The following SLC30A8 variants were observed in gnomAD, a reference collection of about 807,000 sequenced individuals.
SLC30A8 encodes the protein proton-coupled zinc antiporter SLC30A8.
A neutral mutation model predicts 36.9 loss-of-function variants in SLC30A8; 27 were observed. The ratio of observed to expected loss-of-function variants is 0.73; its 90% CI spans 0.54 to 1.01. The LOEUF is 1.01. SLC30A8 is among the 50% of genes least tolerant of loss of function. The pLI is 0.00. For missense variants in SLC30A8, 439 were observed against 452.0 expected (o/e 0.97, Z 0.26); for synonymous variants, 164 against 172.4 (o/e 0.95, Z 0.38).
At chr8:117,153,282 G>T (rs971267437) in intron 3 of SLC30A8, among the ~76,000 whole-genome samples, 192 bp downstream of exon 3, 1 of 152,174 alleles carries the variant, frequency 6.6e-6, no homozygotes, top group East Asian at 1.9e-4. Context: ...CAGATTAATG[G>T]TGCTATCTCT....
chr8:117,078,440 T>C (rs1358377904), intron 2 of SLC30A8, among the ~76,000 whole-genome samples: 2 of 152,210 alleles, frequency 1.3e-5, no homozygotes, highest in East Asian at 3.9e-4. Context: ...CACAGAGATG[T>C]GATTCTAACT....
At chr8:117,078,795 C>T (rs1818570951) in intron 2 of SLC30A8, among the ~76,000 whole-genome samples, 1 of 151,926 alleles carries the variant, frequency 6.6e-6, no homozygotes. Context: ...GCAGGTGGTC[C>T]TCCCACCTCA....
intron 1 of SLC30A8, among the ~76,000 whole-genome samples, chr8:116,971,590 AT>A (rs778149961): frequency 0.04 from 5,847 of 146,972 alleles, 314 homozygotes; most frequent in African/African-American, 0.13. Flanking sequence ...TAGAGGAAAC[AT>A]TTTTTTTTTT....
At chr8:117,063,671 C>T (rs1008528708) in intron 2 of SLC30A8, among the ~76,000 whole-genome samples, 6 of 152,130 alleles carry the variant, frequency 3.9e-5, no homozygotes, top group Admixed American at 1.3e-4. Flanking sequence ...AAAATTCTAC[C>T]TTGAGAAGGA....
chr8:117,086,074 A>G (rs547340038), intron 2 of SLC30A8, among the ~76,000 whole-genome samples: 1 of 152,284 alleles, frequency 6.6e-6, no homozygotes, highest in African/African-American at 2.4e-5. Context: ...CAAAAAATAG[A>G]GGATTAACTA....
chr8:117,031,530 G>A (rs1015897904), intron 1 of SLC30A8, among the ~76,000 whole-genome samples: 4 of 150,878 alleles, frequency 2.7e-5, no homozygotes, highest in Non-Finnish European at 5.9e-5. Flanking sequence ...GCGCCATCTC[G>A]GCTCATTGCA....
intron 1 of SLC30A8, among the ~76,000 whole-genome samples, chr8:116,958,697 A>G (rs550651405): frequency 2.0e-5 from 3 of 152,158 alleles, no homozygotes; most frequent in Non-Finnish European, 4.4e-5. Context: ...GAGGGTCTCA[A>G]GGTTTATAGT....
chr8:117,149,484 A>C (rs1467971389), intron 2 of SLC30A8, among the ~76,000 whole-genome samples: 1 of 152,232 alleles, frequency 6.6e-6, no homozygotes, highest in East Asian at 1.9e-4. Flanking sequence ...CTAGAAGCAC[A>C]AAGGCTAAAA....
chr8:117,086,441 A>C (rs1263806129), intron 2 of SLC30A8, among the ~76,000 whole-genome samples: 2 of 152,220 alleles, frequency 1.3e-5, no homozygotes, highest in African/African-American at 2.4e-5. Context: ...AACTATGTGC[A>C]TCTATGTCTG....
intron 1 of SLC30A8, chr8:116,951,126 C>CAT (rs1813977838): frequency 6.6e-6 from 1 of 152,184 alleles, no homozygotes. Context: ...CCTGGTGAGT[C>CAT]ATTGATGTCT....
At position 117,081,342 on chromosome 8, in the gene SLC30A8, C is replaced by T. The variant is rs144908338; in HGVS notation, c.-226+42084C>T. On this transcript the variant is annotated intron_variant, in intron 2 of 10. Transcript: ENST00000427715. Reference sequence around the variant, plus strand: ...CAAAGCGTGGGCAGATTTGGTTTTTCCTGTAGCCACTCTCCTTGGCTTGCA... The same window carrying T: ...CAAAGCGTGGGCAGATTTGGTTTTTTCTGTAGCCACTCTCCTTGGCTTGCA... Among the ~76,000 whole-genome samples the T allele has an allele frequency of 3.7e-3, 556 of 152,228 alleles. 5 individuals are homozygous for T. Among genetic ancestry groups the T allele is most frequent in the African/African-American group, 0.012 (506 of 41,536 alleles).
At chr8:117,084,144 T>C (rs1563585134) in intron 2 of SLC30A8, among the ~76,000 whole-genome samples, 1 of 152,156 alleles carries the variant, frequency 6.6e-6, no homozygotes, top group Non-Finnish European at 1.5e-5. Context: ...ACAACAAGGC[T>C]CCTTATTTTT....
chr8:117,035,591 C>T (rs948005511), intron 1 of SLC30A8, among the ~76,000 whole-genome samples: 8 of 152,232 alleles, frequency 5.3e-5, no homozygotes, highest in South Asian at 4.1e-4. Context: ...TGGCCCTCTT[C>T]TCACAGTTCC....
intron 2 of SLC30A8, among the ~76,000 whole-genome samples, chr8:117,042,686 T>G (rs1463062246): frequency 6.6e-6 from 1 of 152,060 alleles, no homozygotes; most frequent in Non-Finnish European, 1.5e-5. Context: ...TTTTTTTTTT[T>G]TAGAAGGAGT....
chr8:117,081,204 G>A (rs531056681), intron 2 of SLC30A8, among the ~76,000 whole-genome samples: 22 of 152,264 alleles, frequency 1.4e-4, no homozygotes, highest in Non-Finnish European at 1.2e-4. Flanking sequence ...GGTGATAGAT[G>A]TTGAGGGCAC....
chr8:116,994,451 A>G (rs1441003850), intron 1 of SLC30A8, among the ~76,000 whole-genome samples: 2 of 152,098 alleles, frequency 1.3e-5, no homozygotes, highest in African/African-American at 4.8e-5. Context: ...ATAGAATACC[A>G]TACAGCAATG....
intron 1 of SLC30A8, among the ~76,000 whole-genome samples, chr8:117,138,087 G>GA (rs374937926): frequency 2.0e-4 from 25 of 126,224 alleles, no homozygotes; most frequent in African/African-American, 4.2e-4. Flanking sequence ...AAAAGAAAAA[G>GA]AAAAAAAAAA....
intron 1 of SLC30A8, among the ~76,000 whole-genome samples, chr8:116,977,619 C>G (rs754823859): frequency 1.0e-4 from 15 of 150,726 alleles, no homozygotes; most frequent in Non-Finnish European, 5.9e-5. Context: ...TCAAGCAATT[C>G]TCCTAACTCA....
chr8:116,962,992 G>A (rs1441944077), intron 1 of SLC30A8, among the ~76,000 whole-genome samples: 1 of 151,892 alleles, frequency 6.6e-6, no homozygotes, highest in Non-Finnish European at 1.5e-5. Context: ...AGTCAGCAAA[G>A]TTATGATGTG....
Sources: allele counts gnomAD v4.1 joint callset (sites outside exome capture counted in the v4.1 genomes callset), GRCh38; gene constraint gnomAD v4.1.1; transcripts MANE v1.5; gene names NCBI Gene and HGNC (gene_info 2026-07-23, HGNC 2026-07-21).